The following SCHIP1 variants were observed in gnomAD, a reference collection of about 807,000 sequenced individuals.
SCHIP1 encodes the protein schwannomin interacting protein 1, also known as schwannomin-interacting protein 1.
Under a neutral mutation model 29.7 loss-of-function variants are expected in SCHIP1, and 8 were observed. The ratio of observed to expected loss-of-function variants is 0.27; its 90% CI spans 0.16 to 0.49. The LOEUF is 0.49. Among genes scored for constraint, SCHIP1 ranks in the 20% least tolerant of loss-of-function variants. The pLI, the probability that SCHIP1 is intolerant of heterozygous loss-of-function variation, is 0.99. For synonymous variants in SCHIP1, 76 were observed against 94.9 expected (o/e 0.80, Z 1.16); for missense variants, 193 against 294.6 (o/e 0.66, Z 2.52).
At chr3:159,527,084 C>T in the SCHIP1 span, among the ~76,000 whole-genome samples, 1 of 152,168 alleles carries the variant, frequency 6.6e-6, no homozygotes, top group African/African-American at 2.4e-5. Flanking sequence ...TGGTCACAAC[C>T]AGCCCTTTGG....
At chr3:159,398,891 C>T in the SCHIP1 span, 4 of 838,008 alleles carry the variant, frequency 4.8e-6, no homozygotes, top group East Asian at 1.2e-4. Flanking sequence ...CAAGTAGAAA[C>T]GTCCTGCAGA....
the SCHIP1 span, among the ~76,000 whole-genome samples, chr3:159,543,218 T>A: frequency 4.9e-4 from 75 of 151,714 alleles, 1 homozygote; most frequent in South Asian, 9.4e-3. Flanking sequence ...TTTATTTTAT[T>A]ATTATTATAC....
the SCHIP1 span, among the ~76,000 whole-genome samples, chr3:159,450,807 C>CTTTT: frequency 6.5e-5 from 8 of 123,050 alleles, no homozygotes; most frequent in Admixed American, 1.7e-4. Flanking sequence ...ATTTAGTATT[C>CTTTT]TTTTTTTTTT....
At chr3:159,777,901 TG>T in the SCHIP1 span, among the ~76,000 whole-genome samples, 1 of 152,258 alleles carries the variant, frequency 6.6e-6, no homozygotes, top group East Asian at 1.9e-4. Context: ...TTGGAACTAT[TG>T]GCTCTAAGTA....
At chr3:159,840,086 A>T (rs1166033529) in exon 1 of SCHIP1, 2 of 1,525,422 alleles carry the variant, frequency 1.3e-6, no homozygotes, top group Non-Finnish European at 1.7e-6. Context: ...CTGCCTTACC[A>T]GGGCGTTCTC....
At chr3:159,625,880 A>G in the SCHIP1 span, among the ~76,000 whole-genome samples, 1 of 151,876 alleles carries the variant, frequency 6.6e-6, no homozygotes, top group Non-Finnish European at 1.5e-5. Flanking sequence ...GCTTCTCCCT[A>G]CATGTAGAGG....
chr3:159,537,023 G>A, the SCHIP1 span, among the ~76,000 whole-genome samples: 1 of 152,082 alleles, frequency 6.6e-6, no homozygotes, highest in South Asian at 2.1e-4. Context: ...AACTGGCCAT[G>A]GTGGTTTGTT....
chr3:159,449,870 G>A, the SCHIP1 span, among the ~76,000 whole-genome samples: 3 of 151,746 alleles, frequency 2.0e-5, no homozygotes, highest in African/African-American at 4.8e-5. Context: ...CTTGAAGCAT[G>A]AAGGAAGAAA....
chr3:159,598,810 T>C, the SCHIP1 span, among the ~76,000 whole-genome samples: 5 of 152,192 alleles, frequency 3.3e-5, no homozygotes, highest in Admixed American at 3.3e-4. Flanking sequence ...AGCACTGCCA[T>C]GTAGTGAAAG....
chr3:159,522,272 T>C, the SCHIP1 span, among the ~76,000 whole-genome samples: 1 of 152,078 alleles, frequency 6.6e-6, no homozygotes, highest in African/African-American at 2.4e-5. Flanking sequence ...TCAGAAGAAA[T>C]GGGCCTAAGG....
chr3:159,356,680 G>C, the SCHIP1 span, among the ~76,000 whole-genome samples: 1 of 152,070 alleles, frequency 6.6e-6, no homozygotes, highest in African/African-American at 2.4e-5. Context: ...TGTGTGCCAG[G>C]GTCTGAAAGA....
the SCHIP1 span, among the ~76,000 whole-genome samples, chr3:159,452,590 A>T: frequency 6.6e-6 from 1 of 152,148 alleles, no homozygotes; most frequent in Admixed American, 6.6e-5. Context: ...TTGCTATTGT[A>T]AATAGTGCTG....
chr3:159,660,149 A>G, the SCHIP1 span, among the ~76,000 whole-genome samples: 1 of 152,184 alleles, frequency 6.6e-6, no homozygotes, highest in African/African-American at 2.4e-5. Flanking sequence ...GCCACTGAGA[A>G]GAAAGGAAAG....
the SCHIP1 span, among the ~76,000 whole-genome samples, chr3:159,564,191 A>G: frequency 0.2 from 29,910 of 152,008 alleles, 4,120 homozygotes; most frequent in African/African-American, 0.39. Context: ...TATGTGTTAC[A>G]TTGTGAATGT....
chr3:159,769,547 C>G, the SCHIP1 span, among the ~76,000 whole-genome samples: 1 of 152,000 alleles, frequency 6.6e-6, no homozygotes. Context: ...GTCAGGAGTT[C>G]GAGACCAGCC....
the SCHIP1 span, among the ~76,000 whole-genome samples, chr3:159,641,039 A>C: frequency 1.3e-5 from 2 of 152,168 alleles, no homozygotes; most frequent in East Asian, 3.9e-4. Context: ...TGGAAAACGA[A>C]GCCTAAATTA....
the SCHIP1 span, among the ~76,000 whole-genome samples, chr3:159,792,824 G>T: frequency 6.6e-6 from 1 of 152,178 alleles, no homozygotes; most frequent in Non-Finnish European, 1.5e-5. Flanking sequence ...TTTATTTGGG[G>T]TTGGGTGTAG....
chr3:159,771,906 A>G, the SCHIP1 span, among the ~76,000 whole-genome samples: 2 of 152,190 alleles, frequency 1.3e-5, no homozygotes, highest in South Asian at 2.1e-4. Context: ...TGGACCTTCA[A>G]GACATCCTCA....
chr3:159,325,544 C>A, the SCHIP1 span, among the ~76,000 whole-genome samples: 2 of 152,016 alleles, frequency 1.3e-5, no homozygotes, highest in Non-Finnish European at 2.9e-5. Flanking sequence ...GATTCTGAAT[C>A]CAAATGGCCT....
Sources: allele counts gnomAD v4.1 joint callset (sites outside exome capture counted in the v4.1 genomes callset), GRCh38; gene constraint gnomAD v4.1.1; transcripts MANE v1.5; gene names NCBI Gene and HGNC (gene_info 2026-07-23, HGNC 2026-07-21).